Variants in FCN2 observed in about 807,000 individuals in gnomAD.
FCN2 encodes the protein ficolin 2, also known as ficolin-2.
In FCN2, 31 loss-of-function variants were observed where a neutral mutation model predicts 32.5. The observed-to-expected ratio is 0.96, with a 90% CI of 0.72 to 1.29. FCN2 has a LOEUF of 1.29. Among genes scored for constraint, FCN2 ranks in the 50% most tolerant of loss-of-function variants. FCN2 has a pLI of 0.00. For missense variants in FCN2, 412 were observed against 406.5 expected (o/e 1.01, Z -0.12); for synonymous variants, 181 against 164.5 (o/e 1.10, Z -0.77).
upstream of FCN2, among the ~76,000 whole-genome samples, chr9:134,878,957 C>T (rs774055918): frequency 5.9e-5 from 9 of 152,206 alleles, no homozygotes; most frequent in African/African-American, 2.2e-4. Context: ...GTGAATAATT[C>T]TTGGTCCATT....
At chr9:134,882,330 C>T (rs1321192599) in intron 1 of FCN2, among the ~76,000 whole-genome samples, 196 bp from the exon 2 acceptor site, 2 of 152,222 alleles carry the variant, frequency 1.3e-5, no homozygotes, top group African/African-American at 2.4e-5. Context: ...TGAGGACAGA[C>T]CAAGTGCCCA....
Position 134,886,449 on chromosome 9 carries a change from A to G in FCN2, c.579A>G (p.Val193=). The G allele has an allele frequency of 6.2e-7, 1 of 1,614,220 alleles. No individual in the cohort carries two copies. The highest frequency in any genetic ancestry group is 1.1e-5 in the South Asian group (1 of 91,084). The change falls in exon 7 of 8, where the codon GTA becomes GTG. Residue 193 remains valine, a synonymous_variant. Transcript: ENST00000291744. ...TAACAGGAACCAGCGAGCTCCGTGT[A>G]GACCTGGTGGACTTTGAGGACAACT... ...LTAQGTSELR[V]DLVDFEDNYQ... is the part of the protein sequence containing the mutation.
intron 2 of FCN2, 79 bp downstream of exon 2, chr9:134,882,718 T>A: frequency 9.9e-7 from 1 of 1,005,392 alleles, no homozygotes; most frequent in East Asian, 2.4e-5. Context: ...ACCCCCACCA[T>A]GGTTCCTAGA....
In FCN2 at chr9:134,883,300, A is replaced by G. The variant is rs1830692566; in HGVS notation, c.215-2A>G. ...TCAAGTCAGTGTCTTTGGAAATTGC[A>G]GGAGAACGTGGCCCCCCTGGACCTC... On this transcript the variant is annotated splice_acceptor_variant, in intron 2 of 7. Coordinates refer to ENST00000291744, the MANE Select transcript of FCN2 (RefSeq NM_004108.3). LOFTEE classifies it high-confidence loss of function. The G allele has an allele frequency of 6.2e-7, 1 of 1,612,184 alleles. No individual in the cohort carries two copies. Among genetic ancestry groups the G allele is most frequent in the Non-Finnish European group, 8.5e-7 (1 of 1,178,416 alleles).
chr9:134,886,468 G>A lies in FCN2; in HGVS notation c.598G>A (p.Asp200Asn). The A allele has an allele frequency of 6.2e-7, 1 of 1,611,788 alleles. No individual in the cohort carries two copies. Among genetic ancestry groups the A allele is most frequent in the East Asian group, 2.2e-5 (1 of 44,644 alleles). ...ELRVDLVDFEDNYQFAKYRSF... is the reference protein window; with the variant it reads ...ELRVDLVDFENNYQFAKYRSF... Reference sequence around the variant, plus strand: ...CCGTGTAGACCTGGTGGACTTTGAGGACAACTACCAGTTTGCTAAGTACAG... The same window carrying A: ...CCGTGTAGACCTGGTGGACTTTGAGAACAACTACCAGTTTGCTAAGTACAG... The change falls in exon 7 of 8, where the codon GAC becomes AAC. Residue 200 changes from aspartate (D) to asparagine (N), a missense_variant. By Grantham distance (23) the Asp-to-Asn change is conservative. Coordinates refer to ENST00000291744, the MANE Select transcript of FCN2 (RefSeq NM_004108.3).
At position 134,882,864 on chromosome 9, in the gene FCN2, T is replaced by C. The variant is rs1045524532; in HGVS notation, c.214+225T>C. On this transcript the variant is annotated intron_variant, in intron 2 of 7. Transcript: ENST00000291744. ...ATTTGGACATGCTTCTGTAGCTCTG[T>C]CTCCTAGTCCTTGATCCAATACCAG... 3.3e-5 allele frequency among the ~76,000 whole-genome samples: 5 copies of C among 152,162 alleles called. No individual in the cohort carries two copies. In the East Asian group the frequency reaches 9.6e-4, roughly 29 times the overall value.
upstream of FCN2, among the ~76,000 whole-genome samples, chr9:134,876,454 C>A (rs565379394): frequency 3.3e-4 from 50 of 152,290 alleles, 1 homozygote; most frequent in African/African-American, 1.2e-3. Flanking sequence ...TCTTCATGGG[C>A]TCTCTTGTCT....
chr9:134,885,543 T>G (rs957959994), intron 5 of FCN2, among the ~76,000 whole-genome samples, 177 bp downstream of exon 5: 5 of 152,036 alleles, frequency 3.3e-5, no homozygotes, highest in African/African-American at 4.8e-5. Flanking sequence ...TGGGAGAGGT[T>G]GGGTGCTCTC....
rs1303054143 is a variant in FCN2 at position 134,880,835 on chromosome 9, G to T, written c.14G>T (p.Arg5Ile). ...AGACCAGAAGAGATGGAGCTGGACA[G>T]AGCTGTGGGGGTCCTGGGCGCTGCC... The part of the protein sequence containing the change: MELD[R>I]AVGVLGAATL... The change falls in exon 1 of 8, where the codon AGA becomes ATA. Residue 5 changes from arginine to isoleucine, a missense_variant. By Grantham distance (97) the Arg-to-Ile change is moderately conservative. Coordinates refer to ENST00000291744, the MANE Select transcript of FCN2 (RefSeq NM_004108.3). 23 of 1,613,646 alleles carry T rather than the reference G, an allele frequency of 1.4e-5. No homozygotes were observed. Among genetic ancestry groups the T allele is most frequent in the Non-Finnish European group, 1.9e-5 (22 of 1,179,828 alleles).
chr9:134,867,506 G>C, the FCN2 span, among the ~76,000 whole-genome samples: 1 of 109,830 alleles, frequency 9.1e-6, no homozygotes, highest in African/African-American at 3.5e-5. Context: ...GGGGGGAGGG[G>C]GGAGGGATAG....
In FCN2 at chr9:134,886,493, G is replaced by T. The variant is rs774041840; in HGVS notation, c.623G>T (p.Arg208Ile). The T allele has an allele frequency of 6.8e-6, 11 of 1,614,194 alleles. No homozygotes were observed. In the East Asian group the frequency reaches 2.5e-4, roughly 36 times the overall value. The change falls in exon 7 of 8, where the codon AGA (arginine) becomes ATA (isoleucine). Residue 208 changes from arginine to isoleucine, a missense_variant. Transcript: ENST00000291744. ...GACAACTACCAGTTTGCTAAGTACA[G>T]ATCATTCAAGGTGGCCGACGAGGCG... ...FEDNYQFAKYRSFKVADEAEK... is the reference protein window; with the variant it reads ...FEDNYQFAKYISFKVADEAEK...
chr9:134,874,657 T>G, the FCN2 span, among the ~76,000 whole-genome samples: 2 of 152,226 alleles, frequency 1.3e-5, no homozygotes, highest in Non-Finnish European at 1.5e-5. Context: ...ACCTCCCAAA[T>G]TTGTTTTTTT....
intron 2 of FCN2, 86 bp from the exon 3 acceptor site, chr9:134,883,216 G>T: frequency 8.8e-7 from 1 of 1,133,058 alleles, no homozygotes; most frequent in Non-Finnish European, 1.3e-6. Context: ...GGTCATGATT[G>T]GAAATGACAG....
At chr9:134,884,115 C>T (rs1481583728) in intron 3 of FCN2, among the ~76,000 whole-genome samples, 2 of 152,074 alleles carry the variant, frequency 1.3e-5, no homozygotes. Flanking sequence ...CTTGGAGAAC[C>T]ATGCCAACAA....
chr9:134,886,459 G>A lies in FCN2; in HGVS notation c.589G>A (p.Asp197Asn). 1 of 1,614,164 alleles carries A rather than the reference G, an allele frequency of 6.2e-7. No homozygotes were observed. Among genetic ancestry groups the A allele is most frequent in the Non-Finnish European group, 8.5e-7 (1 of 1,180,016 alleles). ...GTSELRVDLV[D>N]FEDNYQFAKY... Reference sequence around the variant, plus strand: ...CAGCGAGCTCCGTGTAGACCTGGTGGACTTTGAGGACAACTACCAGTTTGC... The same window carrying A: ...CAGCGAGCTCCGTGTAGACCTGGTGAACTTTGAGGACAACTACCAGTTTGC... Residue 197 changes from aspartate (D) to asparagine (N), a missense_variant, in exon 7 of 8, where the codon GAC becomes AAC. Coordinates refer to ENST00000291744, the MANE Select transcript of FCN2 (RefSeq NM_004108.3).
chr9:134,880,452 A>G (rs756724536), upstream of FCN2, among the ~76,000 whole-genome samples: 48 of 152,020 alleles, frequency 3.2e-4, no homozygotes, highest in Non-Finnish European at 2.4e-4. Context: ...AGGGAGAGAG[A>G]CCTCTTTGAA....
intron 1 of FCN2, among the ~76,000 whole-genome samples, chr9:134,882,050 TAG>T (rs1588642585): frequency 6.6e-6 from 1 of 152,292 alleles, no homozygotes; most frequent in East Asian, 1.9e-4. Context: ...GTTGCAATGG[TAG>T]CCTCTCTCCC....
intron 1 of FCN2, among the ~76,000 whole-genome samples, chr9:134,881,451 G>A (rs1183517167): frequency 1.3e-5 from 2 of 152,136 alleles, no homozygotes; most frequent in Admixed American, 6.5e-5. Flanking sequence ...CATTGTCCCC[G>A]TGAGTTCTGG....
chr9:134,864,309 C>A, the FCN2 span, among the ~76,000 whole-genome samples: 1 of 152,246 alleles, frequency 6.6e-6, no homozygotes, highest in Non-Finnish European at 1.5e-5. Flanking sequence ...AACAGGCAGG[C>A]CCTTCCCACA....
Sources: allele counts gnomAD v4.1 joint callset (sites outside exome capture counted in the v4.1 genomes callset), GRCh38; gene constraint gnomAD v4.1.1; transcripts MANE v1.5; gene names NCBI Gene and HGNC (gene_info 2026-07-23, HGNC 2026-07-21).